GALNT13: variants seen among roughly 807,000 people sequenced by gnomAD.
The protein encoded by GALNT13 is UDP-GalNAc:polypeptide N-acetylgalactosaminyltransferase 13.
GALNT13 carries 28 observed loss-of-function variants against 64.2 expected under a neutral mutation model. The ratio of observed to expected loss-of-function variants is 0.44; its 90% CI spans 0.32 to 0.60. The LOEUF is 0.60. GALNT13 is among the 20% of genes least tolerant of loss of function. The pLI, the probability that GALNT13 is intolerant of heterozygous loss-of-function variation, is 0.05. For synonymous variants in GALNT13, 214 were observed against 224.6 expected (o/e 0.95, Z 0.42); for missense variants, 577 against 669.8 (o/e 0.86, Z 1.53).
chr2:154,090,562 T>C (rs977604342), intron 3 of GALNT13, among the ~76,000 whole-genome samples: 1 of 152,038 alleles, frequency 6.6e-6, no homozygotes, highest in Non-Finnish European at 1.5e-5. Flanking sequence ...TCAGCACTTT[T>C]CTCAGTCTGT....
At chr2:153,649,638 GT>G in the GALNT13 span, among the ~76,000 whole-genome samples, 3 of 152,290 alleles carry the variant, frequency 2.0e-5, no homozygotes, top group African/African-American at 7.2e-5. Flanking sequence ...TGCTTTAAAT[GT>G]GTCTGATAGA....
the GALNT13 span, among the ~76,000 whole-genome samples, chr2:153,700,502 C>G: frequency 1.3e-5 from 2 of 151,994 alleles, no homozygotes; most frequent in South Asian, 4.1e-4. Context: ...GGCAATCAAG[C>G]AAGGGAAAGA....
At chr2:154,007,151 A>C (rs1696308917) in intron 3 of GALNT13, among the ~76,000 whole-genome samples, 1 of 152,264 alleles carries the variant, frequency 6.6e-6, no homozygotes, top group African/African-American at 2.4e-5. Context: ...TGAAGTAGTA[A>C]GCTGCCATAT....
chr2:153,110,113 GA>G, the GALNT13 span, among the ~76,000 whole-genome samples: 12 of 152,054 alleles, frequency 7.9e-5, no homozygotes, highest in Admixed American at 1.3e-4. Flanking sequence ...CATTCATGAA[GA>G]ATATGTTACT....
the GALNT13 span, among the ~76,000 whole-genome samples, chr2:153,224,756 G>A: frequency 1.5e-3 from 229 of 152,244 alleles, no homozygotes; most frequent in African/African-American, 5.4e-3. Flanking sequence ...TAGATGAAAT[G>A]AAGCAATTCC....
At chr2:153,955,066 T>C (rs1212873471) in intron 3 of GALNT13, among the ~76,000 whole-genome samples, 1 of 152,176 alleles carries the variant, frequency 6.6e-6, no homozygotes. Flanking sequence ...TATTTTAGAC[T>C]AGCAATTTTG....
At chr2:153,174,149 C>A in the GALNT13 span, among the ~76,000 whole-genome samples, 19,629 of 152,182 alleles carry the variant, frequency 0.13, 1,509 homozygotes, top group Non-Finnish European at 0.17. Flanking sequence ...GGTGCTATGC[C>A]CTGGGCCTGT....
At chr2:153,891,153 A>T (rs556640282) in intron 1 of GALNT13, among the ~76,000 whole-genome samples, 1 of 152,138 alleles carries the variant, frequency 6.6e-6, no homozygotes, top group African/African-American at 2.4e-5. Flanking sequence ...CTACACAATT[A>T]AGTCCTTACT....
the GALNT13 span, among the ~76,000 whole-genome samples, chr2:153,490,907 C>T: frequency 6.6e-6 from 1 of 150,802 alleles, no homozygotes; most frequent in African/African-American, 2.4e-5. Flanking sequence ...TTGCAATGAG[C>T]CGAGATTGTG....
chr2:153,899,504 A>G (rs1186630562), intron 1 of GALNT13, among the ~76,000 whole-genome samples: 2 of 152,206 alleles, frequency 1.3e-5, no homozygotes, highest in Non-Finnish European at 2.9e-5. Flanking sequence ...CCATTTAACT[A>G]TAAACTTGCT....
intron 8 of GALNT13, among the ~76,000 whole-genome samples, chr2:154,280,969 TACA>T (rs934188335): frequency 2.0e-5 from 3 of 152,208 alleles, no homozygotes; most frequent in Non-Finnish European, 1.5e-5. Context: ...GGCTTAATTA[TACA>T]ACGAGGAAAA....
chr2:153,530,982 A>C, the GALNT13 span, among the ~76,000 whole-genome samples: 1 of 152,266 alleles, frequency 6.6e-6, no homozygotes, highest in Non-Finnish European at 1.5e-5. Context: ...TCTGGGCAAA[A>C]ATTTCTTGAG....
chr2:154,288,697 C>T (rs1692420548), intron 8 of GALNT13, among the ~76,000 whole-genome samples: 2 of 152,174 alleles, frequency 1.3e-5, no homozygotes, highest in African/African-American at 4.8e-5. Flanking sequence ...CCAAATGATT[C>T]CGTTGACTCC....
At chr2:154,259,275 AT>A (rs1690560594) in intron 8 of GALNT13, 137 bp downstream of exon 8, 5 of 642,966 alleles carry the variant, frequency 7.8e-6, no homozygotes, top group Non-Finnish European at 1.1e-5. Flanking sequence ...CTTAATTCAC[AT>A]TTTGATTTGA....
At chr2:153,159,019 TG>T in the GALNT13 span, 1 of 173,728 alleles carries the variant, frequency 5.8e-6, no homozygotes, top group Non-Finnish European at 1.3e-5. Flanking sequence ...CCAGGGGTAT[TG>T]CAGGCAACAA....
intron 4 of GALNT13, among the ~76,000 whole-genome samples, chr2:154,240,804 A>G (rs1227544924): frequency 6.6e-6 from 1 of 152,130 alleles, no homozygotes; most frequent in Non-Finnish European, 1.5e-5. Context: ...GGTGTACCGG[A>G]AGAGTCACAT....
At chr2:153,288,135 T>C in the GALNT13 span, among the ~76,000 whole-genome samples, 1 of 152,200 alleles carries the variant, frequency 6.6e-6, no homozygotes, top group East Asian at 1.9e-4. Context: ...GAATGGATCC[T>C]AGAGATAGAG....
chr2:153,320,428 C>G, the GALNT13 span, among the ~76,000 whole-genome samples: 1 of 152,154 alleles, frequency 6.6e-6, no homozygotes, highest in Non-Finnish European at 1.5e-5. Flanking sequence ...AAGCTCTGTG[C>G]TTCTAGAGAT....
chr2:153,830,086 G>T, the GALNT13 span, among the ~76,000 whole-genome samples: 5 of 152,168 alleles, frequency 3.3e-5, no homozygotes, highest in East Asian at 9.6e-4. Context: ...ATTCTGAAAT[G>T]ATTATTATTT....
Sources: gnomAD v4.1 joint callset for allele counts (sites outside exome capture counted in the v4.1 genomes callset) on GRCh38, gnomAD v4.1.1 for gene constraint, MANE v1.5 for transcripts, NCBI Gene and HGNC (gene_info 2026-07-23, HGNC 2026-07-21) for gene names.